The following ATP11B variants were observed in gnomAD, a reference collection of about 807,000 sequenced individuals.
ATP11B encodes ATPase phospholipid transporting 11B (putative), also known as phospholipid-transporting ATPase IF.
In ATP11B, 81 loss-of-function variants were observed where a neutral mutation model predicts 157.8. The observed-to-expected ratio is 0.51, with a 90% CI of 0.43 to 0.62. The LOEUF is 0.62. Among genes scored for constraint, ATP11B ranks in the 20% least tolerant of loss-of-function variants. The pLI is 0.00. For synonymous variants in ATP11B, 451 were observed against 469.4 expected (o/e 0.96, Z 0.51); for missense variants, 1,165 against 1,402.2 (o/e 0.83, Z 2.70).
At chr3:182,842,161 G>A (rs758195994) in intron 8 of ATP11B, 39 bp downstream of exon 8, 9 of 1,435,022 alleles carry the variant, frequency 6.3e-6, no homozygotes, top group Non-Finnish European at 8.8e-6. Context: ...CCTTTAAATG[G>A]GAACTGTTTG....
chr3:182,826,819 A>G (rs1435599772), intron 2 of ATP11B, among the ~76,000 whole-genome samples: 1 of 152,128 alleles, frequency 6.6e-6, no homozygotes, highest in Non-Finnish European at 1.5e-5. Flanking sequence ...TGTGGGAAAC[A>G]GTGTTTCAGG....
chr3:182,845,374 G>C, intron 8 of ATP11B, 84 bp from the exon 9 acceptor site: 2 of 1,182,918 alleles, frequency 1.7e-6, no homozygotes, highest in Non-Finnish European at 2.4e-6. Flanking sequence ...TATAGCTTAA[G>C]TACCTTCTGC....
chr3:182,828,081 T>C (rs748244806), intron 2 of ATP11B, 39 bp from the exon 3 acceptor site: 4 of 982,378 alleles, frequency 4.1e-6, no homozygotes, highest in Non-Finnish European at 4.4e-6. Flanking sequence ...TACTTGATAT[T>C]ATTTTTAAAT....
intron 6 of ATP11B, 149 bp from the exon 7 acceptor site, chr3:182,836,922 T>C: frequency 1.6e-6 from 1 of 624,190 alleles, no homozygotes; most frequent in South Asian, 2.2e-5. Flanking sequence ...CCTTGTTTAT[T>C]TTACATGTTT....
chr3:182,835,468 C>T (rs1404784773), intron 4 of ATP11B, among the ~76,000 whole-genome samples: 2 of 152,066 alleles, frequency 1.3e-5, no homozygotes, highest in Non-Finnish European at 2.9e-5. Flanking sequence ...AATGACTCCC[C>T]AGATTTCTGG....
chr3:182,891,087 G>A (rs187894251), intron 25 of ATP11B, among the ~76,000 whole-genome samples: 3 of 152,326 alleles, frequency 2.0e-5, no homozygotes, highest in African/African-American at 7.2e-5. Flanking sequence ...CTGAGAAACA[G>A]CTGTTAGCCT....
At chr3:182,857,050 CAT>C (rs762782619) in intron 10 of ATP11B, among the ~76,000 whole-genome samples, 154 of 152,298 alleles carry the variant, frequency 1.0e-3, no homozygotes, top group South Asian at 8.3e-4. Flanking sequence ...CAATTCCTGA[CAT>C]GTGTGATTTT....
At chr3:182,842,191 C>A in intron 8 of ATP11B, 69 bp downstream of exon 8, 2 of 1,088,272 alleles carry the variant, frequency 1.8e-6, no homozygotes, top group Non-Finnish European at 1.4e-6. Context: ...CTAGAAGTTC[C>A]AAAGGGAGAT....
At chr3:182,869,738 G>A (rs995331094) in intron 17 of ATP11B, among the ~76,000 whole-genome samples, 1 of 152,212 alleles carries the variant, frequency 6.6e-6, no homozygotes, top group Non-Finnish European at 1.5e-5. Context: ...ATATGACACA[G>A]CAGTTCTACT....
intron 29 of ATP11B, chr3:182,915,109 A>C: frequency 6.1e-6 from 6 of 985,424 alleles, no homozygotes; most frequent in Non-Finnish European, 7.2e-6. Context: ...TGTGTTTTAA[A>C]AAAATGATGA....
At position 182,865,489 on chromosome 3, in the gene ATP11B, C is replaced by G. The variant is rs562005453; in HGVS notation, c.1234C>G (p.Leu412Val). 1 of 1,613,408 alleles carries G rather than the reference C, an allele frequency of 6.2e-7. No individual in the cohort carries two copies. The highest frequency in any genetic ancestry group is 2.2e-5 in the East Asian group (1 of 44,792). Residue 412 changes from leucine to valine, a missense_variant, in exon 13 of 30, where the codon CTG becomes GTG. Leu to Val is a conservative substitution (Grantham distance 32). Transcript: ENST00000323116. The part of the protein sequence containing the change: ...EYVFTDKTGT[L>V]TENEMQFREC... ...CGTGTTTACAGATAAAACTGGTACA[C>G]TGACAGAAAATGAGATGCAGTTTCG...
At chr3:182,902,996 G>A (rs1004538745) in intron 28 of ATP11B, among the ~76,000 whole-genome samples, 2 of 151,996 alleles carry the variant, frequency 1.3e-5, no homozygotes, top group Admixed American at 6.6e-5. Flanking sequence ...GCATATTTAT[G>A]TTTGTGTATT....
chr3:182,889,485 T>C lies in ATP11B; in HGVS notation c.2919T>C (p.Phe973=), dbSNP rs746236245. Residue 973 remains phenylalanine, a synonymous_variant, in exon 25 of 30, where the codon TTT becomes TTC. Coordinates refer to ENST00000323116, the MANE Select transcript of ATP11B (RefSeq NM_014616.3). ...CCATCCTGGGCTTCAGTCATGCCTT[T>C]ATTTTCTTTTTTGGATCCTATTTAC... The part of the protein sequence containing the change: ...YWTILGFSHA[F]IFFFGSYLLI... The C allele has an allele frequency of 1.3e-6, 2 of 1,575,778 alleles. No individual in the cohort carries two copies. Among genetic ancestry groups the C allele is most frequent in the African/African-American group, 2.8e-5 (2 of 72,082 alleles).
intron 10 of ATP11B, among the ~76,000 whole-genome samples, chr3:182,854,284 A>G (rs1720203024): frequency 6.6e-6 from 1 of 152,134 alleles, no homozygotes; most frequent in African/African-American, 2.4e-5. Context: ...AGCCTGACCA[A>G]CATGGAGAAA....
intron 8 of ATP11B, among the ~76,000 whole-genome samples, chr3:182,843,079 T>G (rs914020688): frequency 6.6e-6 from 1 of 152,218 alleles, no homozygotes; most frequent in Non-Finnish European, 1.5e-5. Context: ...GCTCTGAGCC[T>G]CTTTCAAGGT....
chr3:182,865,141 TTAAAA>T (rs1163886850), intron 12 of ATP11B, among the ~76,000 whole-genome samples: 12 of 152,158 alleles, frequency 7.9e-5, no homozygotes, highest in African/African-American at 2.9e-4. Flanking sequence ...GTCCTACTAC[TTAAAA>T]TACCTTAGCC....
chr3:182,878,600 T>C (rs938896407), intron 19 of ATP11B, among the ~76,000 whole-genome samples: 2 of 152,290 alleles, frequency 1.3e-5, no homozygotes, highest in Admixed American at 1.3e-4. Flanking sequence ...TGGCAACAAA[T>C]AGTTTGCCCA....
At chr3:182,823,462 C>T (rs1257179557) in intron 2 of ATP11B, among the ~76,000 whole-genome samples, 2 of 152,056 alleles carry the variant, frequency 1.3e-5, no homozygotes, top group African/African-American at 4.8e-5. Context: ...CTGTTCTGTT[C>T]CATTGGTCTA....
chr3:182,805,755 T>C (rs1481796584), intron 1 of ATP11B, among the ~76,000 whole-genome samples: 1 of 151,964 alleles, frequency 6.6e-6, no homozygotes, highest in Non-Finnish European at 1.5e-5. Context: ...GCCACCGCAC[T>C]GGGCCGCTTG....
Sources: gnomAD v4.1 joint callset for allele counts (sites outside exome capture counted in the v4.1 genomes callset) on GRCh38, gnomAD v4.1.1 for gene constraint, MANE v1.5 for transcripts, NCBI Gene and HGNC (gene_info 2026-07-23, HGNC 2026-07-21) for gene names.